The following FYB2 variants were observed in gnomAD, a reference collection of about 807,000 sequenced individuals.
FYB2 encodes FYN-binding protein 2.
Under a neutral mutation model 94.1 loss-of-function variants are expected in FYB2, and 103 were observed. The observed-to-expected ratio is 1.09, with a 90% CI of 0.93 to 1.29. The LOEUF is 1.29. FYB2 is among the 50% of genes most tolerant of loss of function. The probability of loss-of-function intolerance (pLI) is 0.00; values close to 1 mark genes in which losing one functional copy is unlikely to be tolerated. For missense variants in FYB2, 896 were observed against 841.5 expected, an observed-to-expected ratio of 1.06 and a Z score of -0.80; for synonymous variants, 293 against 287.9, an observed-to-expected ratio of 1.02 and a Z score of -0.18.
chr1:56,813,563 A>T (rs1160429747), intron 1 of FYB2, among the ~76,000 whole-genome samples: 1 of 152,172 alleles, frequency 6.6e-6, no homozygotes, highest in Non-Finnish European at 1.5e-5. Context: ...CACAGCCAAA[A>T]TATATCACTT....
the FYB2 span, chr1:56,826,857 T>C: frequency 6.6e-6 from 1 of 152,218 alleles, no homozygotes; most frequent in South Asian, 2.1e-4. Flanking sequence ...ACAAGTGGCA[T>C]TCACCATGGT....
intron 15 of FYB2, among the ~76,000 whole-genome samples, chr1:56,729,600 G>A (rs1447059952): frequency 6.6e-6 from 1 of 152,038 alleles, no homozygotes; most frequent in Non-Finnish European, 1.5e-5. Context: ...CCAACTCTAA[G>A]CAGATTATCT....
rs965000331 is a variant in FYB2, at chr1:56,737,363, T to G, written c.1733-216A>C. 10 of 426,882 alleles carry G rather than the reference T, an allele frequency of 2.3e-5. 1 individual carries two copies. The South Asian group carries it at 3.9e-4, about 17-fold the overall frequency. 26.4% of individuals were successfully genotyped at this position (426,882 alleles called of 1,614,324 possible). On this transcript the variant is annotated intron_variant, in intron 14 of 19. Transcript: ENST00000343433. Reference sequence around the variant, plus strand: ...TCAACTGAAAGATTAAAAAAAAGTGTGATGTCCCAGTATCTCAAAACATAT... The same window carrying G: ...TCAACTGAAAGATTAAAAAAAAGTGGGATGTCCCAGTATCTCAAAACATAT...
intron 1 of FYB2, among the ~76,000 whole-genome samples, chr1:56,814,205 G>A (rs1054326399): frequency 2.6e-5 from 4 of 152,210 alleles, no homozygotes; most frequent in African/African-American, 9.6e-5. Flanking sequence ...GATGTGGTGC[G>A]GGTGAGGAGG....
chr1:56,819,675 G>A, upstream of FYB2: 1 of 384,498 alleles, frequency 2.6e-6, no homozygotes, highest in Non-Finnish European at 4.9e-6. Flanking sequence ...AAGGAATGGG[G>A]ATGGCAGGCT....
rs1456325269 is a variant in FYB2 at position 56,792,430 on chromosome 1, T to A, written c.383A>T (p.Glu128Val). Residue 128 changes from glutamate (E) to valine (V), a missense_variant, in exon 2 of 20, where the codon GAA (glutamate) becomes GTA (valine). Glu to Val is a moderately radical substitution (Grantham distance 121). Coordinates refer to ENST00000343433, the MANE Select transcript of FYB2 (RefSeq NM_001004303.5). ...TQSNVEIITK[E>V]KVMVANSFRN... is the part of the protein sequence containing the mutation. ...GAAGCTATTGGCCACCATTACTTTT[T>A]CCTTAGTGATTATCTCAACATTTGA... 1 of 1,614,208 alleles carries A rather than the reference T, an allele frequency of 6.2e-7. No homozygotes were observed. The highest frequency in any genetic ancestry group is 8.5e-7 in the Non-Finnish European group (1 of 1,180,034).
rs532110754 is a variant in FYB2 at position 56,743,684 on chromosome 1, T to C, written c.1543+342A>G. ...TAGGTTAGTCAAGGACTCTAGATCATGTCAGAAGCCAATCTTAAAAGTATT... is the reference window on the plus strand; with the variant it reads ...TAGGTTAGTCAAGGACTCTAGATCACGTCAGAAGCCAATCTTAAAAGTATT... On this transcript the variant is annotated intron_variant, in intron 11 of 19. Transcript: ENST00000343433. Among the ~76,000 whole-genome samples the C allele has an allele frequency of 7.0e-4, 107 of 152,146 alleles. 1 individual carries two copies. The highest frequency in any genetic ancestry group is 1.3e-3 in the Non-Finnish European group (89 of 67,966).
At chr1:56,751,295 G>T in intron 8 of FYB2, 92 bp from the exon 9 acceptor site, 2 of 1,233,124 alleles carry the variant, frequency 1.6e-6, no homozygotes, top group South Asian at 3.3e-5. Context: ...CATTCCTCAT[G>T]GATAACAATT....
At chr1:56,725,625 G>A (rs1644569111) in intron 16 of FYB2, among the ~76,000 whole-genome samples, 1 of 152,030 alleles carries the variant, frequency 6.6e-6, no homozygotes, top group Non-Finnish European at 1.5e-5. Flanking sequence ...GTTTAAGATA[G>A]AAAGCTGCTT....
Position 56,773,935 on chromosome 1 carries a change from T to A in FYB2, c.954-5997A>T, listed in dbSNP as rs1188681605. On this transcript the variant is annotated intron_variant, in intron 4 of 19. Coordinates refer to ENST00000343433, the MANE Select transcript of FYB2 (RefSeq NM_001004303.5). Reference sequence around the variant, plus strand: ...TCCAAAGTCCCAAACTGGACAAATTTCTATTTCCAGTAAACAAATTAAGAA... The same window carrying A: ...TCCAAAGTCCCAAACTGGACAAATTACTATTTCCAGTAAACAAATTAAGAA... Among the ~76,000 whole-genome samples the A allele has an allele frequency of 2.6e-5, 4 of 152,120 alleles. No individual in the cohort carries two copies. In the South Asian group the frequency reaches 8.3e-4, roughly 32 times the overall value.
At chr1:56,756,616 A>T (rs1645338244) in intron 6 of FYB2, among the ~76,000 whole-genome samples, 1 of 152,172 alleles carries the variant, frequency 6.6e-6, no homozygotes, top group Non-Finnish European at 1.5e-5. Flanking sequence ...CTTATTTTAC[A>T]CATAATTCTA....
chr1:56,810,199 A>C (rs1484996417), intron 1 of FYB2, among the ~76,000 whole-genome samples: 1 of 152,214 alleles, frequency 6.6e-6, no homozygotes, highest in African/African-American at 2.4e-5. Context: ...ATGGTTTCAG[A>C]TGGAAAAATT....
chr1:56,758,724 G>T lies in FYB2; in HGVS notation c.1090C>A (p.Leu364Ile). 6.3e-7 allele frequency: 1 copy of T among 1,593,634 alleles called. No individual in the cohort carries two copies. The highest frequency in any genetic ancestry group is 8.6e-7 in the Non-Finnish European group (1 of 1,169,182). ...DPTYEVGIEE[L>I]QKPGKNFPYP... Reference sequence around the variant, plus strand: ...GTAAGGAGAAACAATACCTTTTGGAGTTCTTCAATTCCAACTTCATAAGTT... The same window carrying T: ...GTAAGGAGAAACAATACCTTTTGGATTTCTTCAATTCCAACTTCATAAGTT... The change falls in exon 6 of 20, where the codon CTC (leucine) becomes ATC (isoleucine). Residue 364 changes from leucine to isoleucine, a missense_variant. Leu to Ile is a conservative substitution (Grantham distance 5). Coordinates refer to ENST00000343433, the MANE Select transcript of FYB2 (RefSeq NM_001004303.5).
At chr1:56,821,324 TG>T (rs1646989686), upstream of FYB2, among the ~76,000 whole-genome samples, 1 of 152,222 alleles carries the variant, frequency 6.6e-6, no homozygotes, top group Non-Finnish European at 1.5e-5. Flanking sequence ...CTTTGGTTTC[TG>T]GCTAGTTACA....
the FYB2 span, among the ~76,000 whole-genome samples, chr1:56,825,632 G>A: frequency 6.6e-6 from 1 of 152,014 alleles, no homozygotes; most frequent in Non-Finnish European, 1.5e-5. Flanking sequence ...ACCCTCAAGT[G>A]CCATGAAAAA....
At chr1:56,805,733 A>G (rs896002581) in intron 1 of FYB2, among the ~76,000 whole-genome samples, 5 of 152,120 alleles carry the variant, frequency 3.3e-5, no homozygotes, top group African/African-American at 1.2e-4. Context: ...TGCTCTCATG[A>G]TAGTGAATAA....
Position 56,798,495 on chromosome 1 carries a change from G to A in FYB2, c.10-5692C>T, listed in dbSNP as rs187475092. 3.6e-3 allele frequency among the ~76,000 whole-genome samples: 553 copies of A among 152,310 alleles called. 2 individuals are homozygous for A. The highest frequency in any genetic ancestry group is 0.012 in the African/African-American group (516 of 41,576). On this transcript the variant is annotated intron_variant, in intron 1 of 19. Transcript: ENST00000343433. ...GACATTGCTATTTCAGAAGAATGGA[G>A]AGACCAGAGTAAAATAGTTAGAAGT... is the stretch of plus-strand genomic sequence containing the variant.
intron 8 of FYB2, among the ~76,000 whole-genome samples, chr1:56,753,524 T>C (rs1047740524): frequency 6.6e-6 from 1 of 152,086 alleles, no homozygotes; most frequent in Admixed American, 6.6e-5. Context: ...TTAAGGAAAC[T>C]CTCACTCCAG....
At chr1:56,782,852 A>C (rs1774824) in intron 4 of FYB2, among the ~76,000 whole-genome samples, 25,982 of 152,040 alleles carry the variant, frequency 0.17, 2,421 homozygotes, top group East Asian at 0.26. Context: ...TCCCTGAATC[A>C]GGACTATCTC....
Sources: allele counts gnomAD v4.1 joint callset (sites outside exome capture counted in the v4.1 genomes callset), GRCh38; gene constraint gnomAD v4.1.1; transcripts MANE v1.5; gene names NCBI Gene and HGNC (gene_info 2026-07-23, HGNC 2026-07-21).